GRIN3A: variants seen among roughly 807,000 people sequenced by gnomAD.
The protein encoded by GRIN3A is glutamate receptor ionotropic, NMDA 3A.
Under a neutral mutation model 92.4 loss-of-function variants are expected in GRIN3A, and 47 were observed. That is an observed-to-expected ratio of 0.51 (90% confidence interval 0.40 to 0.65). The LOEUF (loss-of-function observed/expected upper bound fraction) is 0.65. Ranked by LOEUF, GRIN3A falls within the 30% of genes least tolerant of loss-of-function variation. GRIN3A has a pLI of 0.00. For missense variants in GRIN3A, 1,324 were observed against 1,393.1 expected (o/e 0.95, Z 0.79); for synonymous variants, 527 against 540.6 (o/e 0.97, Z 0.35).
At chr9:101,577,934 A>G in intron 7 of GRIN3A, 90 bp from the exon 8 acceptor site, 1 of 919,888 alleles carries the variant, frequency 1.1e-6, no homozygotes, top group Non-Finnish European at 1.8e-6. Context: ...CAGTATATGT[A>G]GTCGTTACAA....
intron 4 of GRIN3A, 85 bp from the exon 5 acceptor site, chr9:101,623,518 G>C: frequency 2.0e-6 from 2 of 985,842 alleles, no homozygotes; most frequent in Non-Finnish European, 3.2e-6. Context: ...TTTTGTTTAG[G>C]GGACAGAACC....
At chr9:101,595,099 G>C in intron 6 of GRIN3A, 1 of 649,834 alleles carries the variant, frequency 1.5e-6, no homozygotes, top group Non-Finnish European at 2.6e-6. Flanking sequence ...GTCAGAGAGG[G>C]AGCGGAGAGA....
intron 2 of GRIN3A, among the ~76,000 whole-genome samples, chr9:101,676,916 A>G (rs1032902628): frequency 2.7e-5 from 4 of 150,406 alleles, no homozygotes; most frequent in Non-Finnish European, 5.9e-5. Flanking sequence ...CAGTAATCCT[A>G]TCTTTTCTTA....
At chr9:101,579,694 G>A (rs531156285) in intron 6 of GRIN3A, among the ~76,000 whole-genome samples, 1 of 152,298 alleles carries the variant, frequency 6.6e-6, no homozygotes, top group South Asian at 2.1e-4. Context: ...GATTGGATGG[G>A]AGGTCTGTCA....
chr9:101,621,456 T>G (rs1828555098), intron 5 of GRIN3A, among the ~76,000 whole-genome samples: 1 of 152,178 alleles, frequency 6.6e-6, no homozygotes, highest in Admixed American at 6.5e-5. Flanking sequence ...ATTGAATTAA[T>G]TTTCTGATGT....
chr9:101,614,778 C>A (rs927621088), intron 5 of GRIN3A, among the ~76,000 whole-genome samples: 3 of 151,432 alleles, frequency 2.0e-5, no homozygotes, highest in Admixed American at 2.0e-4. Context: ...CACCACCACC[C>A]TGGCTAATTT....
At chr9:101,733,874 T>G (rs548257539) in intron 1 of GRIN3A, among the ~76,000 whole-genome samples, 2 of 151,988 alleles carry the variant, frequency 1.3e-5, no homozygotes, top group Non-Finnish European at 2.9e-5. Flanking sequence ...AATTAAAAAA[T>G]TTTTTTAAGA....
chr9:101,711,678 T>C (rs1170486565), intron 1 of GRIN3A, among the ~76,000 whole-genome samples: 2 of 152,166 alleles, frequency 1.3e-5, no homozygotes, highest in Admixed American at 6.5e-5. Flanking sequence ...TTCTTCAACT[T>C]GTTAGTGGTT....
At chr9:101,669,168 G>T (rs1202272762) in intron 3 of GRIN3A, among the ~76,000 whole-genome samples, 2 of 152,100 alleles carry the variant, frequency 1.3e-5, no homozygotes, top group Non-Finnish European at 2.9e-5. Flanking sequence ...CAGGACTGCA[G>T]TACTCCCCTG....
chr9:101,738,371 T>C lies in GRIN3A; in HGVS notation c.-392A>G. Reference sequence around the variant, plus strand: ...AGCCGGAGTTCCTCGGGGGCAGCAGTGACAGAGGAGCGACGCGCTCTCGCC... The same window carrying C: ...AGCCGGAGTTCCTCGGGGGCAGCAGCGACAGAGGAGCGACGCGCTCTCGCC... On this transcript the variant is annotated 5_prime_UTR_variant, in exon 1 of 9. Transcript: ENST00000361820. 3.7e-6 allele frequency: 1 copy of C among 270,918 alleles called. No homozygotes were observed. Among genetic ancestry groups the C allele is most frequent in the Non-Finnish European group, 7.0e-6 (1 of 143,024 alleles). The allele number at this position is 270,918 out of a possible 1,614,324, so 16.8% of individuals were successfully genotyped here.
intron 6 of GRIN3A, among the ~76,000 whole-genome samples, chr9:101,609,254 G>A (rs1588246437): frequency 6.6e-6 from 1 of 152,274 alleles, no homozygotes; most frequent in Non-Finnish European, 1.5e-5. Flanking sequence ...ATCTAATGGA[G>A]GGTTTCTGGT....
At chr9:101,629,777 C>T (rs1271164800) in intron 3 of GRIN3A, among the ~76,000 whole-genome samples, 2 of 152,178 alleles carry the variant, frequency 1.3e-5, no homozygotes. Flanking sequence ...GAAGAGGGCA[C>T]TGTTGTTACT....
At chr9:101,657,494 T>C (rs568932782) in intron 3 of GRIN3A, among the ~76,000 whole-genome samples, 2 of 152,086 alleles carry the variant, frequency 1.3e-5, no homozygotes. Flanking sequence ...GACTTAATGC[T>C]TTGAGCAAAA....
intron 3 of GRIN3A, among the ~76,000 whole-genome samples, chr9:101,652,780 G>T (rs1951781): frequency 0.47 from 71,466 of 151,856 alleles, 17,047 homozygotes; most frequent in Middle Eastern, 0.54. Flanking sequence ...CAGCATTTGG[G>T]TTTTATGTAT....
At position 101,597,823 on chromosome 9, in the gene GRIN3A, A is replaced by G. The variant is rs373162032; in HGVS notation, c.2766+15553T>C. Among the ~76,000 whole-genome samples the G allele has an allele frequency of 4.6e-5, 7 of 152,348 alleles. No homozygotes were observed. In the East Asian group the frequency reaches 1.2e-3, roughly 25 times the overall value. Reference sequence around the variant, plus strand: ...ATAAAGTTGTAAAACTAAATATAGTATATATATGATAAAGGAATACCAGGT... The same window carrying G: ...ATAAAGTTGTAAAACTAAATATAGTGTATATATGATAAAGGAATACCAGGT... On this transcript the variant is annotated intron_variant, in intron 6 of 8. Transcript: ENST00000361820.
chr9:101,576,554 T>C (rs574295404), intron 8 of GRIN3A, among the ~76,000 whole-genome samples: 2 of 152,350 alleles, frequency 1.3e-5, no homozygotes, highest in Admixed American at 6.5e-5. Context: ...TTCCTGTTTC[T>C]ATTATAGCTG....
In GRIN3A at chr9:101,613,447, A is replaced by G. The variant is rs1828396002; in HGVS notation, c.2695T>C (p.Phe899Leu). The change falls in exon 6 of 9, where the codon TTT becomes CTT. Residue 899 changes from phenylalanine to leucine, a missense_variant. Physicochemically the swap from Phe to Leu is conservative, Grantham distance 22. Coordinates refer to ENST00000361820, the MANE Select transcript of GRIN3A (RefSeq NM_133445.3). The part of the protein sequence containing the change: ...ELISQYKSHG[F>L]MDMLHDKWYR... ...CACTTGTCATGGAGCATATCCATAA[A>G]CCCATGTGACTTGTATTGACTGATT... is the stretch of plus-strand genomic sequence containing the variant. 2 of 1,613,978 alleles carry G rather than the reference A, an allele frequency of 1.2e-6. No homozygotes were observed. The highest frequency in any genetic ancestry group is 1.7e-5 in the Admixed American group (1 of 60,006).
intron 3 of GRIN3A, among the ~76,000 whole-genome samples, chr9:101,645,441 G>A (rs1256411506): frequency 6.7e-6 from 1 of 149,618 alleles, no homozygotes; most frequent in African/African-American, 2.5e-5. Flanking sequence ...GAATAGCACT[G>A]TAAGAAACAT....
chr9:101,707,627 G>A (rs1303218890), intron 1 of GRIN3A, among the ~76,000 whole-genome samples: 1 of 152,112 alleles, frequency 6.6e-6, no homozygotes, highest in East Asian at 1.9e-4. Flanking sequence ...ATTTTGTTTT[G>A]ATTTAGCCTT....
Sources: allele counts gnomAD v4.1 joint callset (sites outside exome capture counted in the v4.1 genomes callset), GRCh38; gene constraint gnomAD v4.1.1; transcripts MANE v1.5; gene names NCBI Gene and HGNC (gene_info 2026-07-23, HGNC 2026-07-21).